The following THSD4 variants were observed in gnomAD, a reference collection of about 807,000 sequenced individuals.
THSD4 encodes the protein thrombospondin type 1 domain containing 4.
THSD4 carries 69 observed loss-of-function variants against 119.0 expected under a neutral mutation model. The observed-to-expected ratio is 0.58, with a 90% CI of 0.48 to 0.71. The LOEUF is 0.71. Among genes scored for constraint, THSD4 ranks in the 30% least tolerant of loss-of-function variants. THSD4 has a pLI of 0.00. For missense variants in THSD4, 1,393 were observed against 1,391.1 expected (o/e 1.00, Z -0.02); for synonymous variants, 524 against 540.4 (o/e 0.97, Z 0.42).
chr15:71,586,472 A>G (rs2049673058), intron 7 of THSD4, among the ~76,000 whole-genome samples: 1 of 152,116 alleles, frequency 6.6e-6, no homozygotes, highest in African/African-American at 2.4e-5. Context: ...CATCTGGAAG[A>G]CTGAAGTAGC....
At chr15:71,652,735 A>G (rs1007628702) in intron 7 of THSD4, among the ~76,000 whole-genome samples, 3 of 152,200 alleles carry the variant, frequency 2.0e-5, no homozygotes, top group Non-Finnish European at 1.5e-5. Context: ...CCTTGATAAG[A>G]TGCTATCCTA....
At chr15:71,381,758 G>A (rs750661444) in intron 6 of THSD4, among the ~76,000 whole-genome samples, 35 of 152,120 alleles carry the variant, frequency 2.3e-4, no homozygotes, top group South Asian at 4.1e-4. Context: ...GACTGCTGCC[G>A]TATTAGATTT....
chr15:71,552,439 T>C (rs1408086342), intron 7 of THSD4, among the ~76,000 whole-genome samples: 1 of 152,234 alleles, frequency 6.6e-6, no homozygotes, highest in Non-Finnish European at 1.5e-5. Context: ...TAGAGTGTTA[T>C]TTGTGGCAAA....
intron 4 of THSD4, among the ~76,000 whole-genome samples, chr15:71,223,955 C>T (rs2043994668): frequency 6.6e-6 from 1 of 152,074 alleles, no homozygotes; most frequent in Admixed American, 6.6e-5. Flanking sequence ...TACTCCTTAT[C>T]CTTGAGGGGC....
chr15:71,480,352 T>C (rs1595809055), intron 7 of THSD4, among the ~76,000 whole-genome samples: 1 of 152,240 alleles, frequency 6.6e-6, no homozygotes, highest in Non-Finnish European at 1.5e-5. Context: ...TTTTTGTTAA[T>C]GTTTTAGACA....
intron 6 of THSD4, among the ~76,000 whole-genome samples, chr15:71,257,431 A>G (rs752819180): frequency 1.3e-5 from 2 of 152,128 alleles, no homozygotes; most frequent in African/African-American, 2.4e-5. Context: ...CTCACAGCCA[A>G]GTTGGCTGGA....
intron 7 of THSD4, among the ~76,000 whole-genome samples, chr15:71,588,742 T>C (rs1036354761): frequency 6.6e-6 from 1 of 152,218 alleles, no homozygotes; most frequent in African/African-American, 2.4e-5. Context: ...CCAGTGATGC[T>C]TTTAAATGAG....
chr15:71,524,902 A>G (rs1182470703), intron 7 of THSD4, among the ~76,000 whole-genome samples: 1 of 150,412 alleles, frequency 6.6e-6, no homozygotes, highest in African/African-American at 2.5e-5. Flanking sequence ...GTGAGCCACC[A>G]TGCCCGGCCT....
rs2048246110 is a variant in THSD4 at position 71,509,512 on chromosome 15, A to AAT, written c.1152+97689_1152+97690insAT. On this transcript the variant is annotated intron_variant, in intron 7 of 17. Coordinates refer to ENST00000261862, the MANE Select transcript of THSD4 (RefSeq NM_024817.3). ...TCAACCCCCAGGCCAAGTAATGATT[A>AAT]CATGTTAGTTATACAATGGTAGATG... 2.0e-5 allele frequency among the ~76,000 whole-genome samples: 3 copies of AAT among 152,360 alleles called. 1 individual carries two copies. The South Asian group carries it at 6.2e-4, about 32-fold the overall frequency.
At chr15:71,240,461 G>C (rs905606298) in intron 4 of THSD4, among the ~76,000 whole-genome samples, 2 of 151,958 alleles carry the variant, frequency 1.3e-5, no homozygotes, top group African/African-American at 4.8e-5. Flanking sequence ...AGCAGCATTG[G>C]CATCTCCCAG....
intron 7 of THSD4, among the ~76,000 whole-genome samples, chr15:71,444,923 C>A (rs143475166): frequency 1.8e-4 from 27 of 152,278 alleles, no homozygotes; most frequent in African/African-American, 6.5e-4. Flanking sequence ...TACCTCTCCC[C>A]ATTGTCCACA....
chr15:71,211,872 T>C lies in THSD4; in HGVS notation c.100-3163T>C, dbSNP rs1201398843. On this transcript the variant is annotated intron_variant, in intron 3 of 17. Transcript: ENST00000261862. ...GCTTCGAGGTTCAATTATTTTTGTCTCTTACCATGATTTATTATTTGGTTT... is the reference window on the plus strand; with the variant it reads ...GCTTCGAGGTTCAATTATTTTTGTCCCTTACCATGATTTATTATTTGGTTT... Among the ~76,000 whole-genome samples, 5 of 152,222 alleles carry C rather than the reference T, an allele frequency of 3.3e-5. No homozygotes were observed. The East Asian group carries it at 9.6e-4, about 29-fold the overall frequency.
intron 7 of THSD4, among the ~76,000 whole-genome samples, chr15:71,452,608 T>C (rs995252945): frequency 1.3e-5 from 2 of 151,870 alleles, no homozygotes; most frequent in African/African-American, 4.8e-5. Flanking sequence ...GAGGTAAATT[T>C]ATTATTTATT....
At chr15:71,132,003 T>G (rs1431837911) in intron 1 of THSD4, among the ~76,000 whole-genome samples, 1 of 152,254 alleles carries the variant, frequency 6.6e-6, no homozygotes, top group African/African-American at 2.4e-5. Context: ...ATCCTTTTAC[T>G]ATGTTAAGCC....
chr15:71,307,708 C>T (rs2045050344), intron 6 of THSD4, among the ~76,000 whole-genome samples: 1 of 152,200 alleles, frequency 6.6e-6, no homozygotes, highest in South Asian at 2.1e-4. Context: ...GTGGAGGTTG[C>T]AGTGAGCTGA....
intron 7 of THSD4, among the ~76,000 whole-genome samples, chr15:71,632,782 CT>C (rs2050657990): frequency 6.6e-6 from 1 of 152,140 alleles, no homozygotes; most frequent in Admixed American, 6.5e-5. Context: ...CATTTAGGGT[CT>C]TGTTTATTTA....
At chr15:71,341,032 C>T (rs1309895355) in intron 6 of THSD4, 2 of 667,798 alleles carry the variant, frequency 3.0e-6, no homozygotes, top group African/African-American at 1.8e-5. Flanking sequence ...CAGTGTCTTG[C>T]ATTTCCTCTC....
chr15:71,134,240 G>A (rs1462680863), intron 1 of THSD4, among the ~76,000 whole-genome samples: 1 of 152,254 alleles, frequency 6.6e-6, no homozygotes, highest in Non-Finnish European at 1.5e-5. Flanking sequence ...TCATAGGCAG[G>A]GAGCAGCTGG....
intron 3 of THSD4, among the ~76,000 whole-genome samples, chr15:71,168,480 G>A (rs936689953): frequency 2.6e-5 from 4 of 152,042 alleles, no homozygotes; most frequent in Non-Finnish European, 4.4e-5. Flanking sequence ...TTATTATAGA[G>A]AATTTAGAAA....
Sources: allele counts gnomAD v4.1 joint callset (sites outside exome capture counted in the v4.1 genomes callset), GRCh38; gene constraint gnomAD v4.1.1; transcripts MANE v1.5; gene names NCBI Gene and HGNC (gene_info 2026-07-23, HGNC 2026-07-21).